Variants in ARHGAP29 observed in about 807,000 individuals in gnomAD.
ARHGAP29 encodes rho GTPase-activating protein 29.
ARHGAP29 carries 43 observed loss-of-function variants against 122.6 expected under a neutral mutation model. The ratio of observed to expected loss-of-function variants is 0.35; its 90% CI spans 0.27 to 0.45. The LOEUF is 0.45. Among genes scored for constraint, ARHGAP29 ranks in the 20% least tolerant of loss-of-function variants. The pLI is 1.00. For synonymous variants in ARHGAP29, 506 were observed against 497.1 expected (o/e 1.02, Z -0.24); for missense variants, 1,303 against 1,477.2 (o/e 0.88, Z 1.93).
chr1:94,256,117 A>G (rs1446046263), intron 1 of ARHGAP29, among the ~76,000 whole-genome samples: 2 of 152,166 alleles, frequency 1.3e-5, no homozygotes, highest in East Asian at 3.8e-4. Context: ...TCAAAATTAC[A>G]CTACAAGTTA....
At chr1:94,204,285 C>T (rs1030765288) in intron 7 of ARHGAP29, among the ~76,000 whole-genome samples, 3 of 152,034 alleles carry the variant, frequency 2.0e-5, no homozygotes, top group African/African-American at 7.2e-5. Context: ...CAGGCATAAG[C>T]CACCATGTAC....
chr1:94,186,680 C>T (rs1391087162), intron 15 of ARHGAP29, 83 bp from the exon 16 acceptor site: 2 of 1,007,914 alleles, frequency 2.0e-6, no homozygotes, highest in African/African-American at 3.2e-5. Context: ...TTTGAAATAA[C>T]ACGTCATACT....
the ARHGAP29 span, among the ~76,000 whole-genome samples, chr1:94,312,198 T>TC: frequency 0.01 from 1,533 of 152,156 alleles, 24 homozygotes; most frequent in African/African-American, 0.035. Flanking sequence ...CAGGCTTTCC[T>TC]CCCCATCCTT....
chr1:94,261,191 C>G (rs1463047272), intron 1 of ARHGAP29, among the ~76,000 whole-genome samples: 1 of 152,154 alleles, frequency 6.6e-6, no homozygotes, highest in African/African-American at 2.4e-5. Flanking sequence ...CTTGGCCAGA[C>G]CTTCTTACCT....
At chr1:94,195,291 A>G (rs1335313109) in intron 12 of ARHGAP29, 2 of 152,218 alleles carry the variant, frequency 1.3e-5, no homozygotes, top group Non-Finnish European at 2.9e-5. Context: ...AGGCAACCCA[A>G]TATTCAATTG....
Position 94,185,396 on chromosome 1 carries a change from C to T in ARHGAP29, c.1866G>A (p.Thr622=), listed in dbSNP as rs766644572. ...THKFRKLRSP[T]KCRDCEGIVV... ...CAATGCCTTCACAATCCCTACATTTCGTGGGGGATCTCAATTTGCGAAACT... is the reference window on the plus strand; with the variant it reads ...CAATGCCTTCACAATCCCTACATTTTGTGGGGGATCTCAATTTGCGAAACT... Residue 622 remains threonine, a synonymous_variant, in exon 17 of 23, where the codon ACG becomes ACA. Coordinates refer to ENST00000260526, the MANE Select transcript of ARHGAP29 (RefSeq NM_004815.4). 9.3e-6 allele frequency: 15 copies of T among 1,612,006 alleles called. No homozygotes were observed. The African/African-American group carries it at 9.4e-5, about 10-fold the overall frequency.
At chr1:94,196,901 T>G (rs1266407938) in intron 12 of ARHGAP29, among the ~76,000 whole-genome samples, 1 of 151,876 alleles carries the variant, frequency 6.6e-6, no homozygotes, top group Admixed American at 6.6e-5. Context: ...GAGCGGAAAA[T>G]TTAAAGAATT....
chr1:94,195,899 A>G (rs1387631733), intron 12 of ARHGAP29: 1 of 152,178 alleles, frequency 6.6e-6, no homozygotes, highest in Non-Finnish European at 1.5e-5. Flanking sequence ...ATTTATCAGT[A>G]TAAAAAGAGA....
rs1406138692 is a variant in ARHGAP29 at position 94,189,369 on chromosome 1, G to A, written c.1440-17C>T. 3 of 1,590,474 alleles carry A rather than the reference G, an allele frequency of 1.9e-6. No homozygotes were observed. Among genetic ancestry groups the A allele is most frequent in the Admixed American group, 1.8e-5 (1 of 55,626 alleles). ...TTTACATTTCTGAAACAACAACAAT[G>A]ACAAAAAACAAAACTCAACACTCCA... is the stretch of plus-strand genomic sequence containing the variant. On this transcript the variant is annotated splice_polypyrimidine_tract_variant and intron_variant, in intron 13 of 22. Coordinates refer to ENST00000260526, the MANE Select transcript of ARHGAP29 (RefSeq NM_004815.4).
intron 1 of ARHGAP29, among the ~76,000 whole-genome samples, chr1:94,234,600 A>T (rs1326398059): frequency 1.3e-5 from 2 of 152,174 alleles, no homozygotes; most frequent in Non-Finnish European, 2.9e-5. Flanking sequence ...CTAGTTTCAA[A>T]CCTATCTAAC....
At chr1:94,200,961 G>C (rs962599953) in intron 12 of ARHGAP29, among the ~76,000 whole-genome samples, 6 of 152,096 alleles carry the variant, frequency 3.9e-5, no homozygotes, top group African/African-American at 1.4e-4. Flanking sequence ...GATTGTGGCA[G>C]TACTTACACA....
At chr1:94,187,046 T>C (rs974507418) in intron 15 of ARHGAP29, among the ~76,000 whole-genome samples, 6 of 152,276 alleles carry the variant, frequency 3.9e-5, no homozygotes, top group Non-Finnish European at 5.9e-5. Flanking sequence ...TCTTTGAATA[T>C]AACAACCCAA....
intron 12 of ARHGAP29, chr1:94,195,270 AC>A (rs1241229511): frequency 6.6e-6 from 1 of 152,202 alleles, no homozygotes; most frequent in Non-Finnish European, 1.5e-5. Context: ...TGGTGATTGG[AC>A]CCATGGGCCA....
chr1:94,211,287 CAAAAAAAAAA>C (rs71094285), intron 3 of ARHGAP29, among the ~76,000 whole-genome samples: 7 of 35,996 alleles, frequency 1.9e-4, no homozygotes, highest in Admixed American at 1.7e-3. Flanking sequence ...GCTCTGGCTC[CAAAAAAAAAA>C]AAAAAAAAAA....
At chr1:94,231,688 A>G (rs1181638308) in intron 1 of ARHGAP29, 45 bp from the exon 2 acceptor site, 3 of 1,416,888 alleles carry the variant, frequency 2.1e-6, no homozygotes, top group Non-Finnish European at 2.9e-6. Flanking sequence ...AGGAGAGAGA[A>G]AGAAACACAA....
In ARHGAP29 at chr1:94,189,207, G is replaced by GA; in HGVS notation, c.1576+8dup. The GA allele has an allele frequency of 6.3e-7, 1 of 1,597,792 alleles. No individual in the cohort carries two copies. Among genetic ancestry groups the GA allele is most frequent in the Non-Finnish European group, 8.5e-7 (1 of 1,175,294 alleles). On this transcript the variant is annotated intron_variant, in intron 14 of 22. Transcript: ENST00000260526. ...ATAAATTAGCACTCTCTTTAGGGTG[G>GA]AAAACTACCTGTTATATCTGCACTG...
At chr1:94,206,413 C>A (rs1007866964) in intron 5 of ARHGAP29, among the ~76,000 whole-genome samples, 1 of 152,112 alleles carries the variant, frequency 6.6e-6, no homozygotes, top group African/African-American at 2.4e-5. Flanking sequence ...CAAAACTGAT[C>A]GAGGAGACCT....
At chr1:94,284,098 A>C in the ARHGAP29 span, among the ~76,000 whole-genome samples, 34 of 152,038 alleles carry the variant, frequency 2.2e-4, no homozygotes, top group African/African-American at 5.6e-4. Context: ...AAAAAAAAAA[A>C]AAACCATCAA....
At chr1:94,260,265 C>T (rs551452830) in intron 1 of ARHGAP29, among the ~76,000 whole-genome samples, 12 of 152,290 alleles carry the variant, frequency 7.9e-5, no homozygotes, top group Admixed American at 2.6e-4. Context: ...TTTGAGACTA[C>T]GATTCTGACA....
Sources: allele counts gnomAD v4.1 joint callset (sites outside exome capture counted in the v4.1 genomes callset), GRCh38; gene constraint gnomAD v4.1.1; transcripts MANE v1.5; gene names NCBI Gene and HGNC (gene_info 2026-07-23, HGNC 2026-07-21).